The following NEGR1 variants were observed in gnomAD, a reference collection of about 807,000 sequenced individuals.
NEGR1 encodes the protein IgLON family member 4.
Under a neutral mutation model 40.9 loss-of-function variants are expected in NEGR1, and 10 were observed. The ratio of observed to expected loss-of-function variants is 0.24; its 90% CI spans 0.15 to 0.42. NEGR1 has a LOEUF of 0.42. Among genes scored for constraint, NEGR1 ranks in the 10% least tolerant of loss-of-function variants. The probability of loss-of-function intolerance (pLI) is 1.00; values close to 1 mark genes in which losing one functional copy is unlikely to be tolerated. For synonymous variants in NEGR1, 185 were observed against 166.8 expected (o/e 1.11, Z -0.84); for missense variants, 352 against 438.9 (o/e 0.80, Z 1.77).
At chr1:72,156,506 T>C (rs1651360951) in intron 1 of NEGR1, among the ~76,000 whole-genome samples, 2 of 152,314 alleles carry the variant, frequency 1.3e-5, no homozygotes, top group African/African-American at 2.4e-5. Flanking sequence ...AAGTGAGAGA[T>C]TGACTTTTGT....
At chr1:71,806,883 G>A (rs1055432077) in intron 2 of NEGR1, among the ~76,000 whole-genome samples, 13 of 148,076 alleles carry the variant, frequency 8.8e-5, no homozygotes, top group Admixed American at 1.4e-4. Flanking sequence ...CAAACATGTC[G>A]ATCTGTTTTT....
chr1:72,276,429 T>C (rs1656050190), intron 1 of NEGR1, among the ~76,000 whole-genome samples: 1 of 152,182 alleles, frequency 6.6e-6, no homozygotes, highest in South Asian at 2.1e-4. Flanking sequence ...TTAATCATAG[T>C]TATTTTTGGC....
At chr1:71,555,042 GCACAGCTGC>G (rs1557564873) in intron 6 of NEGR1, among the ~76,000 whole-genome samples, 1 of 151,486 alleles carries the variant, frequency 6.6e-6, no homozygotes, top group Admixed American at 6.6e-5. Flanking sequence ...TGGGTAGTTG[GCACAGCTGC>G]CTTCCTAAGG....
chr1:72,231,264 T>A (rs1002032709), intron 1 of NEGR1, among the ~76,000 whole-genome samples: 3 of 152,156 alleles, frequency 2.0e-5, no homozygotes, highest in Non-Finnish European at 4.4e-5. Context: ...CTTTTTTCAT[T>A]CTGTGAAATG....
At chr1:72,162,021 A>G (rs1240559323) in intron 1 of NEGR1, among the ~76,000 whole-genome samples, 1 of 151,998 alleles carries the variant, frequency 6.6e-6, no homozygotes, top group African/African-American at 2.4e-5. Context: ...TCATTCAACC[A>G]ATGCTAAAAG....
intron 6 of NEGR1, among the ~76,000 whole-genome samples, chr1:71,445,288 C>T (rs1646573496): frequency 6.7e-6 from 1 of 148,996 alleles, no homozygotes; most frequent in Non-Finnish European, 1.5e-5. Flanking sequence ...GGTCAGAACA[C>T]AAGCTCAATG....
chr1:71,886,194 TG>T (rs1660717743), intron 2 of NEGR1, among the ~76,000 whole-genome samples: 1 of 152,118 alleles, frequency 6.6e-6, no homozygotes, highest in South Asian at 2.1e-4. Context: ...ATTAGTCCAG[TG>T]AAGTTTCCTG....
intron 6 of NEGR1, among the ~76,000 whole-genome samples, chr1:71,547,428 C>A (rs1369332347): frequency 6.6e-6 from 1 of 151,748 alleles, no homozygotes; most frequent in East Asian, 2.0e-4. Context: ...TGTTTCTGCT[C>A]ACAGTCTATT....
chr1:72,047,891 G>C (rs1447752031), intron 1 of NEGR1, among the ~76,000 whole-genome samples: 1 of 151,466 alleles, frequency 6.6e-6, no homozygotes, highest in Non-Finnish European at 1.5e-5. Flanking sequence ...ATTCTGTATA[G>C]AAGCATATAG....
At chr1:71,482,800 G>T (rs1480836915) in intron 6 of NEGR1, among the ~76,000 whole-genome samples, 6 of 151,794 alleles carry the variant, frequency 4.0e-5, no homozygotes, top group African/African-American at 1.5e-4. Context: ...CATCAAATGT[G>T]CATTAATTCA....
At chr1:72,060,017 A>T (rs1342101519) in intron 1 of NEGR1, among the ~76,000 whole-genome samples, 1 of 151,726 alleles carries the variant, frequency 6.6e-6, no homozygotes, top group Non-Finnish European at 1.5e-5. Context: ...CTCAGGTTTT[A>T]AAGAATCCAT....
rs1163151120 is a variant in NEGR1, at chr1:71,721,275, A to T, written c.536-23136T>A. On this transcript the variant is annotated intron_variant, in intron 3 of 6. Coordinates refer to ENST00000357731, the MANE Select transcript of NEGR1 (RefSeq NM_173808.3). The stretch of plus-strand genomic sequence containing the variant: ...TCTCAAATCATACTCTGGGGAAAAC[A>T]TGCCTTCAGCTAATGATGGAGGTCA... 2.0e-5 allele frequency among the ~76,000 whole-genome samples: 3 copies of T among 152,140 alleles called. No homozygotes were observed. In the East Asian group the frequency reaches 5.8e-4, roughly 29 times the overall value.
Position 72,062,736 on chromosome 1 carries a change from G to A in NEGR1, c.177-127425C>T, listed in dbSNP as rs537852870. Among the ~76,000 whole-genome samples, 12 of 152,052 alleles carry A rather than the reference G, an allele frequency of 7.9e-5. No homozygotes were observed. The East Asian group carries it at 2.3e-3, about 30-fold the overall frequency. ...AGACTAGCTGGTACTCCAGCATCTG[G>A]GGCAGGAGCTAACTTGTTGACTGAG... On this transcript the variant is annotated intron_variant, in intron 1 of 6. Transcript: ENST00000357731.
At chr1:71,433,019 G>A (rs1349413550) in intron 6 of NEGR1, among the ~76,000 whole-genome samples, 1 of 152,194 alleles carries the variant, frequency 6.6e-6, no homozygotes, top group African/African-American at 2.4e-5. Context: ...ATTAAGAAGT[G>A]GAACCTTTTA....
chr1:72,047,406 A>G (rs1018830736), intron 1 of NEGR1, among the ~76,000 whole-genome samples: 2 of 151,628 alleles, frequency 1.3e-5, no homozygotes, highest in African/African-American at 4.8e-5. Flanking sequence ...AGACGATCCT[A>G]TTTCCTAAAA....
chr1:71,460,156 G>T (rs1489192330), intron 6 of NEGR1, among the ~76,000 whole-genome samples: 1 of 152,134 alleles, frequency 6.6e-6, no homozygotes, highest in African/African-American at 2.4e-5. Flanking sequence ...ACATATTTCA[G>T]GTTGGAAATT....
chr1:71,944,646 A>G (rs1302246904), intron 1 of NEGR1, among the ~76,000 whole-genome samples: 1 of 152,246 alleles, frequency 6.6e-6, no homozygotes, highest in Non-Finnish European at 1.5e-5. Context: ...GCTACTTTAC[A>G]GTATCACCAA....
At chr1:72,075,158 C>T (rs1647666138) in intron 1 of NEGR1, among the ~76,000 whole-genome samples, 2 of 152,184 alleles carry the variant, frequency 1.3e-5, no homozygotes, top group South Asian at 4.1e-4. Context: ...TTTCAAACCA[C>T]CACATAGATA....
intron 3 of NEGR1, among the ~76,000 whole-genome samples, chr1:71,761,964 G>A (rs1655959901): frequency 6.6e-6 from 1 of 151,910 alleles, no homozygotes. Flanking sequence ...AAAAACTATA[G>A]TACATTATCA....
Sources: gnomAD v4.1 joint callset for allele counts (sites outside exome capture counted in the v4.1 genomes callset) on GRCh38, gnomAD v4.1.1 for gene constraint, MANE v1.5 for transcripts, NCBI Gene and HGNC (gene_info 2026-07-23, HGNC 2026-07-21) for gene names.